TENM4: variants seen among roughly 807,000 people sequenced by gnomAD.
The protein encoded by TENM4 is teneurin-4.
Under a neutral mutation model 243.3 loss-of-function variants are expected in TENM4, and 82 were observed. The ratio of observed to expected loss-of-function variants is 0.34; its 90% CI spans 0.28 to 0.40. The LOEUF is 0.40. Ranked by LOEUF, TENM4 falls within the 10% of genes least tolerant of loss-of-function variation. The pLI is 1.00. For synonymous variants in TENM4, 1,412 were observed against 1,456.3 expected (o/e 0.97, Z 0.69); for missense variants, 3,138 against 3,673.3 (o/e 0.85, Z 3.77).
chr11:78,866,957 T>A (rs502909), intron 9 of TENM4, among the ~76,000 whole-genome samples: 35,231 of 151,788 alleles, frequency 0.23, 4,328 homozygotes, highest in Middle Eastern at 0.31. Context: ...TTAAAAAAAA[T>A]TTTAATTTTT....
intron 10 of TENM4, among the ~76,000 whole-genome samples, chr11:78,861,346 C>T (rs1858814067): frequency 6.6e-6 from 1 of 152,164 alleles, no homozygotes; most frequent in African/African-American, 2.4e-5. Context: ...GAAAAGGACT[C>T]CCAGAAAGTG....
intron 19 of TENM4, among the ~76,000 whole-genome samples, chr11:78,743,348 C>T (rs141812540): frequency 5.2e-4 from 79 of 152,236 alleles, no homozygotes; most frequent in Middle Eastern, 3.4e-3. Flanking sequence ...TGCTATATTC[C>T]CAGCATTGAT....
intron 4 of TENM4, among the ~76,000 whole-genome samples, chr11:79,135,732 A>ATATATACATCATATATACATATATG (rs1223721170): frequency 3.5e-4 from 49 of 138,606 alleles, no homozygotes; most frequent in African/African-American, 1.2e-3. Context: ...TACATATATG[A>ATATATACATCATATATACATATATG]TATATACATC....
At chr11:78,828,589 A>G (rs1857909794) in intron 12 of TENM4, among the ~76,000 whole-genome samples, 2 of 152,238 alleles carry the variant, frequency 1.3e-5, no homozygotes, top group African/African-American at 4.8e-5. Flanking sequence ...TCAACATAAT[A>G]ACTTGGGTCT....
At chr11:79,079,674 CAAG>C (rs1416330273) in intron 4 of TENM4, among the ~76,000 whole-genome samples, 4 of 151,968 alleles carry the variant, frequency 2.6e-5, no homozygotes, top group African/African-American at 9.7e-5. Flanking sequence ...ACGAAATATA[CAAG>C]AATTAGCTGG....
At chr11:78,906,325 T>C (rs1334781976) in intron 6 of TENM4, among the ~76,000 whole-genome samples, 1 of 152,208 alleles carries the variant, frequency 6.6e-6, no homozygotes, top group Non-Finnish European at 1.5e-5. Context: ...TACCAAACCA[T>C]GGTGCCTTTG....
intron 6 of TENM4, among the ~76,000 whole-genome samples, chr11:79,024,301 C>A (rs1175906568): frequency 2.0e-5 from 3 of 152,158 alleles, no homozygotes; most frequent in Non-Finnish European, 4.4e-5. Context: ...CAGTTCCATT[C>A]CAGCCTCCCT....
intron 12 of TENM4, among the ~76,000 whole-genome samples, chr11:78,834,169 T>C (rs1378172356): frequency 6.6e-6 from 1 of 152,218 alleles, no homozygotes; most frequent in Non-Finnish European, 1.5e-5. Context: ...TTTCAACCCA[T>C]TTATGGGAAT....
chr11:79,370,838 C>A lies in TENM4; in HGVS notation c.-321+69671G>T, dbSNP rs75863428. 9.5e-3 allele frequency among the ~76,000 whole-genome samples: 1,059 copies of A among 111,750 alleles called. 5 individuals are homozygous for A. The highest frequency in any genetic ancestry group is 0.024 in the Middle Eastern group (4 of 164). The allele number at this position is 111,750 out of a possible 152,430, so 73.3% of individuals were successfully genotyped here. A position where few individuals can be genotyped will look rare whatever the true frequency, so the allele number is the denominator to read the frequency against. On this transcript the variant is annotated intron_variant, in intron 1 of 33. Coordinates refer to ENST00000278550, the MANE Select transcript of TENM4 (RefSeq NM_001098816.3). Reference sequence around the variant, plus strand: ...ATAAATTTGGTAATCCCAGAATTAACGTTTTTGCTTAAAAAATTAAAATAG... The same window carrying A: ...ATAAATTTGGTAATCCCAGAATTAAAGTTTTTGCTTAAAAAATTAAAATAG...
chr11:79,049,154 A>G (rs1859735318), intron 6 of TENM4, among the ~76,000 whole-genome samples: 1 of 152,114 alleles, frequency 6.6e-6, no homozygotes, highest in African/African-American at 2.4e-5. Flanking sequence ...GCTGAATGGG[A>G]GCAGCACACA....
At chr11:79,213,831 C>T (rs1031562449) in intron 3 of TENM4, among the ~76,000 whole-genome samples, 1 of 152,286 alleles carries the variant, frequency 6.6e-6, no homozygotes, top group East Asian at 1.9e-4. Context: ...TTTTATCTTA[C>T]TATGCTGAGT....
In TENM4 at chr11:79,265,810, A is replaced by G. The variant is rs548792155; in HGVS notation, c.-265+31678T>C. 1.1e-4 allele frequency among the ~76,000 whole-genome samples: 16 copies of G among 152,276 alleles called. No individual in the cohort carries two copies. The East Asian group carries it at 3.1e-3, about 29-fold the overall frequency. ...GGATTAAAAACCTAGTCCTTCTCTC[A>G]GCCTAGGAGGTTATGCTATCTGTTC... On this transcript the variant is annotated intron_variant, in intron 2 of 33. Transcript: ENST00000278550.
chr11:79,271,492 C>T (rs972312311), intron 2 of TENM4, among the ~76,000 whole-genome samples: 1 of 152,192 alleles, frequency 6.6e-6, no homozygotes, highest in African/African-American at 2.4e-5. Context: ...ATCGTATTTG[C>T]ATTTGTGTCC....
intron 1 of TENM4, among the ~76,000 whole-genome samples, chr11:79,341,727 A>G (rs1857245217): frequency 6.6e-6 from 1 of 152,192 alleles, no homozygotes; most frequent in South Asian, 2.1e-4. Flanking sequence ...GAAGGATGTA[A>G]AAAATGGAAT....
At chr11:79,373,251 T>C (rs1857821227) in intron 1 of TENM4, among the ~76,000 whole-genome samples, 1 of 151,966 alleles carries the variant, frequency 6.6e-6, no homozygotes, top group Admixed American at 6.6e-5. Flanking sequence ...ACTGGATAGA[T>C]GGATGAATGA....
intron 3 of TENM4, among the ~76,000 whole-genome samples, chr11:79,178,981 T>A (rs779551474): frequency 2.6e-5 from 4 of 152,176 alleles, no homozygotes; most frequent in Non-Finnish European, 4.4e-5. Context: ...TTCCAGAAAG[T>A]CAGTGAGGGC....
chr11:78,903,719 A>C, intron 6 of TENM4, 196 bp from the exon 7 acceptor site: 1 of 887,820 alleles, frequency 1.1e-6, no homozygotes, highest in Non-Finnish European at 1.8e-6. Flanking sequence ...ACCTTAACCA[A>C]CTAAACAGAC....
At chr11:78,958,566 G>A (rs1283340112) in intron 6 of TENM4, among the ~76,000 whole-genome samples, 2 of 152,248 alleles carry the variant, frequency 1.3e-5, no homozygotes, top group African/African-American at 2.4e-5. Flanking sequence ...GAGCTGTTCT[G>A]TGATACCCCA....
intron 1 of TENM4, among the ~76,000 whole-genome samples, chr11:79,379,849 G>A (rs772649730): frequency 8.5e-5 from 13 of 152,258 alleles, no homozygotes; most frequent in Non-Finnish European, 1.6e-4. Context: ...AGCTTCTAGG[G>A]TTTAGGCTTG....
Sources: allele counts gnomAD v4.1 joint callset (sites outside exome capture counted in the v4.1 genomes callset), GRCh38; gene constraint gnomAD v4.1.1; transcripts MANE v1.5; gene names NCBI Gene and HGNC (gene_info 2026-07-23, HGNC 2026-07-21).